DLC1: variants seen among roughly 807,000 people sequenced by gnomAD.
The protein encoded by DLC1 is DLC1 Rho GTPase activating protein.
In DLC1, 54 loss-of-function variants were observed where a neutral mutation model predicts 140.3. That is an observed-to-expected ratio of 0.38 (90% confidence interval 0.31 to 0.48). The LOEUF (loss-of-function observed/expected upper bound fraction) is 0.48. Among genes scored for constraint, DLC1 ranks in the 20% least tolerant of loss-of-function variants. DLC1 has a pLI of 0.96. For synonymous variants in DLC1, 986 were observed against 728.1 expected, an observed-to-expected ratio of 1.35 and a Z score of -5.70; for missense variants, 2,536 against 1,907.0, an observed-to-expected ratio of 1.33 and a Z score of -6.14.
At chr8:13,549,303 A>C (rs374846031) in intron 1 of DLC1, among the ~76,000 whole-genome samples, 6 of 152,138 alleles carry the variant, frequency 3.9e-5, no homozygotes, top group African/African-American at 1.4e-4. Flanking sequence ...GTATGAAAAG[A>C]AACTTAATAC....
intron 12 of DLC1, among the ~76,000 whole-genome samples, chr8:13,093,107 G>A (rs1818219455): frequency 1.3e-5 from 2 of 151,360 alleles, no homozygotes; most frequent in Admixed American, 6.6e-5. Flanking sequence ...GAGGATGCCT[G>A]CTCTTTTAGT....
intron 4 of DLC1, among the ~76,000 whole-genome samples, chr8:13,385,999 T>C (rs1836504919): frequency 6.6e-6 from 1 of 152,226 alleles, no homozygotes; most frequent in South Asian, 2.1e-4. Flanking sequence ...CTATGAATTA[T>C]ACTCTTGGTT....
intron 4 of DLC1, among the ~76,000 whole-genome samples, chr8:13,371,308 G>C (rs1026342980): frequency 6.6e-6 from 1 of 152,090 alleles, no homozygotes; most frequent in Non-Finnish European, 1.5e-5. Flanking sequence ...CCTCCCTAAA[G>C]TCATTTTAAT....
intron 1 of DLC1, chr8:13,568,262 A>G (rs555146715): frequency 4.2e-6 from 1 of 240,608 alleles, no homozygotes; most frequent in African/African-American, 2.3e-5. Context: ...ATGGGGAATT[A>G]ATAAATAGTA....
chr8:13,305,508 A>G (rs1445580994), intron 4 of DLC1, among the ~76,000 whole-genome samples: 1 of 152,200 alleles, frequency 6.6e-6, no homozygotes, highest in Non-Finnish European at 1.5e-5. Context: ...TTTTCTGAAG[A>G]CAGACTCAAA....
intron 2 of DLC1, among the ~76,000 whole-genome samples, chr8:13,403,036 G>A (rs2117259111): frequency 6.6e-6 from 1 of 152,304 alleles, no homozygotes; most frequent in East Asian, 1.9e-4. Context: ...CCGAACTTGT[G>A]CATGGTTTAA....
intron 5 of DLC1, among the ~76,000 whole-genome samples, chr8:13,161,617 C>T (rs1307839255): frequency 6.6e-6 from 1 of 152,110 alleles, no homozygotes; most frequent in East Asian, 1.9e-4. Flanking sequence ...GATTACAAGC[C>T]CTTGATTCTG....
chr8:13,470,267 T>C (rs973007700), intron 2 of DLC1, among the ~76,000 whole-genome samples: 6 of 152,190 alleles, frequency 3.9e-5, no homozygotes, highest in African/African-American at 1.4e-4. Context: ...TTAAGCACAA[T>C]GTACTAGCTA....
intron 5 of DLC1, among the ~76,000 whole-genome samples, chr8:13,246,955 A>T (rs1404369588): frequency 3.9e-5 from 6 of 152,152 alleles, no homozygotes; most frequent in Non-Finnish European, 7.4e-5. Flanking sequence ...CTGGATTGCA[A>T]AACTGTAATG....
chr8:13,181,176 C>G (rs1826008645), intron 5 of DLC1, among the ~76,000 whole-genome samples: 1 of 152,076 alleles, frequency 6.6e-6, no homozygotes, highest in Admixed American at 6.6e-5. Context: ...CAAAAGGGAC[C>G]TGAGATTTGC....
intron 5 of DLC1, among the ~76,000 whole-genome samples, chr8:13,266,798 A>G (rs1830706430): frequency 6.6e-6 from 1 of 152,192 alleles, no homozygotes; most frequent in Admixed American, 6.5e-5. Flanking sequence ...GCATGGTTCT[A>G]ATACAACAAA....
intron 4 of DLC1, among the ~76,000 whole-genome samples, chr8:13,337,516 T>C (rs1444515000): frequency 6.6e-6 from 1 of 152,160 alleles, no homozygotes; most frequent in Non-Finnish European, 1.5e-5. Flanking sequence ...CACATTAACA[T>C]CATGAATTGT....
chr8:13,356,012 C>T (rs1406214929), intron 4 of DLC1, among the ~76,000 whole-genome samples: 1 of 141,270 alleles, frequency 7.1e-6, no homozygotes, highest in Admixed American at 7.8e-5. Flanking sequence ...ATGGCATGAA[C>T]TCAGGAGGCG....
At position 13,379,575 on chromosome 8, in the gene DLC1, A is replaced by C. The variant is rs1836161132; in HGVS notation, c.1314+13978T>G. On this transcript the variant is annotated intron_variant, in intron 4 of 17. Transcript: ENST00000276297. ...TTGCTTTTGCATCAGGCTCATGTCA[A>C]AAAATTCTAAGTCAAATCATTGTAA... 2.6e-5 allele frequency among the ~76,000 whole-genome samples: 4 copies of C among 152,296 alleles called. 1 individual carries two copies. The South Asian group carries it at 8.3e-4, about 32-fold the overall frequency.
At chr8:13,409,339 G>A (rs1837691073) in intron 2 of DLC1, among the ~76,000 whole-genome samples, 1 of 152,010 alleles carries the variant, frequency 6.6e-6, no homozygotes, top group African/African-American at 2.4e-5. Flanking sequence ...CTATGTTTTA[G>A]GAAATGCTTT....
intron 4 of DLC1, among the ~76,000 whole-genome samples, chr8:13,309,063 C>G (rs1832567096): frequency 6.6e-6 from 1 of 152,090 alleles, no homozygotes; most frequent in Non-Finnish European, 1.5e-5. Context: ...ATAATTGATG[C>G]TTATGAGAAA....
chr8:13,512,902 A>G (rs987087128), intron 1 of DLC1, among the ~76,000 whole-genome samples: 25 of 151,510 alleles, frequency 1.7e-4, no homozygotes, highest in African/African-American at 6.1e-4. Flanking sequence ...AGGCATACTG[A>G]TTTGATTTTT....
At chr8:13,441,343 T>G (rs1312493183) in intron 2 of DLC1, among the ~76,000 whole-genome samples, 5 of 152,166 alleles carry the variant, frequency 3.3e-5, no homozygotes. Context: ...AACATAGTGT[T>G]GGAAGTTCTG....
At chr8:13,389,514 C>A (rs534012658) in intron 4 of DLC1, among the ~76,000 whole-genome samples, 6 of 152,078 alleles carry the variant, frequency 3.9e-5, no homozygotes, top group Non-Finnish European at 8.8e-5. Flanking sequence ...CCATAAGCCT[C>A]TTCTTTTTTC....
Sources: gnomAD v4.1 joint callset for allele counts (sites outside exome capture counted in the v4.1 genomes callset) on GRCh38, gnomAD v4.1.1 for gene constraint, MANE v1.5 for transcripts, NCBI Gene and HGNC (gene_info 2026-07-23, HGNC 2026-07-21) for gene names.